FMN1: variants seen among roughly 807,000 people sequenced by gnomAD.
FMN1 encodes the protein formin 1.
FMN1 carries 110 observed loss-of-function variants against 132.4 expected under a neutral mutation model. That is an observed-to-expected ratio of 0.83 (90% CI 0.71 to 0.97). FMN1 has a LOEUF of 0.97. Ranked by LOEUF, FMN1 falls within the 50% of genes least tolerant of loss-of-function variation. The pLI is 0.00. For synonymous variants in FMN1, 722 were observed against 651.7 expected (o/e 1.11, Z -1.64); for missense variants, 1,792 against 1,705.3 (o/e 1.05, Z -0.90).
At chr15:32,853,219 A>G (rs1398441310) in intron 17 of FMN1, among the ~76,000 whole-genome samples, 2 of 152,172 alleles carry the variant, frequency 1.3e-5, no homozygotes, top group Non-Finnish European at 2.9e-5. Flanking sequence ...TCAACTCTAA[A>G]CAAAAATATC....
intron 17 of FMN1, among the ~76,000 whole-genome samples, chr15:32,823,546 G>A (rs112893536): frequency 0.017 from 2,540 of 152,126 alleles, 40 homozygotes; most frequent in Middle Eastern, 0.044. Flanking sequence ...CACAAATGCC[G>A]TTATTCCAAG....
intron 5 of FMN1, among the ~76,000 whole-genome samples, chr15:33,069,993 C>CAT (rs1400922281): frequency 4.0e-5 from 3 of 74,290 alleles, no homozygotes; most frequent in African/African-American, 1.6e-4. Flanking sequence ...CAGTCTTTCT[C>CAT]TTTTTTTTTT....
chr15:33,003,458 G>T (rs1029958519), intron 7 of FMN1, among the ~76,000 whole-genome samples: 6 of 152,154 alleles, frequency 3.9e-5, no homozygotes, highest in East Asian at 3.9e-4. Context: ...TGCTTCAAAG[G>T]GAATAAAATA....
intron 6 of FMN1, among the ~76,000 whole-genome samples, chr15:33,034,847 AG>A (rs1291036005): frequency 1.3e-5 from 2 of 152,202 alleles, no homozygotes; most frequent in Non-Finnish European, 2.9e-5. Flanking sequence ...AAGCAGCCAG[AG>A]GGAGTCTTTG....
At chr15:33,068,310 C>T (rs1250214925) in intron 5 of FMN1, 1 of 176,700 alleles carries the variant, frequency 5.7e-6, no homozygotes, top group Admixed American at 5.4e-5. Flanking sequence ...ATTCAACTTC[C>T]TCATTGGTGA....
At chr15:33,163,928 T>G (rs902894463) in intron 3 of FMN1, among the ~76,000 whole-genome samples, 1 of 152,168 alleles carries the variant, frequency 6.6e-6, no homozygotes, top group Non-Finnish European at 1.5e-5. Context: ...TGTTTTTGTT[T>G]TTTTTGAGAC....
chr15:33,058,851 A>C (rs2037354790), intron 6 of FMN1, among the ~76,000 whole-genome samples: 1 of 152,230 alleles, frequency 6.6e-6, no homozygotes, highest in Non-Finnish European at 1.5e-5. Flanking sequence ...TGATTAAATT[A>C]AGCTAATTAA....
intron 10 of FMN1, among the ~76,000 whole-genome samples, chr15:32,914,414 C>T (rs945670008): frequency 6.6e-6 from 1 of 152,064 alleles, no homozygotes; most frequent in Non-Finnish European, 1.5e-5. Flanking sequence ...AATGTTTAGG[C>T]AATGGCAGGT....
chr15:32,907,845 G>C (rs1407406977), intron 12 of FMN1, among the ~76,000 whole-genome samples: 1 of 152,060 alleles, frequency 6.6e-6, no homozygotes, highest in South Asian at 2.1e-4. Flanking sequence ...AGGGTCGTGG[G>C]GCTGCAGAGC....
intron 4 of FMN1, among the ~76,000 whole-genome samples, chr15:33,147,877 C>T (rs1403724043): frequency 1.3e-5 from 2 of 152,146 alleles, no homozygotes; most frequent in African/African-American, 4.8e-5. Flanking sequence ...AAAAAGCAAG[C>T]AGGCACAATG....
At chr15:33,096,899 G>C (rs950369642) in intron 4 of FMN1, among the ~76,000 whole-genome samples, 1 of 152,118 alleles carries the variant, frequency 6.6e-6, no homozygotes, top group East Asian at 1.9e-4. Context: ...AACTCGCCTC[G>C]CTGCCCCATT....
At chr15:32,913,537 A>G (rs2060614105) in intron 10 of FMN1, among the ~76,000 whole-genome samples, 1 of 152,066 alleles carries the variant, frequency 6.6e-6, no homozygotes, top group Middle Eastern at 3.2e-3. Flanking sequence ...ATTCCTGAAC[A>G]TGCCATGGCT....
At chr15:33,049,290 A>G (rs2036858856) in intron 6 of FMN1, among the ~76,000 whole-genome samples, 1 of 152,156 alleles carries the variant, frequency 6.6e-6, no homozygotes, top group Admixed American at 6.5e-5. Context: ...AACAGACAAA[A>G]CCAAACAAAA....
intron 6 of FMN1, among the ~76,000 whole-genome samples, chr15:33,008,328 AAG>A (rs1413799433): frequency 1.3e-5 from 2 of 152,188 alleles, no homozygotes; most frequent in Non-Finnish European, 2.9e-5. Flanking sequence ...AAGAAAAAAA[AAG>A]GGATGATGAG....
At chr15:32,864,684 A>C (rs1314026234) in intron 16 of FMN1, among the ~76,000 whole-genome samples, 2 of 152,194 alleles carry the variant, frequency 1.3e-5, no homozygotes, top group Non-Finnish European at 2.9e-5. Context: ...ATATTATCTC[A>C]GAATAATGTA....
chr15:32,960,988 TC>T (rs895566920), intron 9 of FMN1, among the ~76,000 whole-genome samples: 3 of 82,610 alleles, frequency 3.6e-5, no homozygotes, highest in Non-Finnish European at 6.3e-5. Context: ...AGAGTGAGAC[TC>T]CGTCTCAAAA....
At chr15:33,180,494 A>G (rs1368661495) in intron 2 of FMN1, among the ~76,000 whole-genome samples, 2 of 152,098 alleles carry the variant, frequency 1.3e-5, no homozygotes, top group African/African-American at 4.8e-5. Context: ...ACTGCCTAGC[A>G]TAGGGTAACC....
chr15:32,985,578 A>G (rs928912518), intron 7 of FMN1, among the ~76,000 whole-genome samples: 10 of 152,134 alleles, frequency 6.6e-5, no homozygotes, highest in Admixed American at 3.9e-4. Flanking sequence ...AGTGCCCATG[A>G]ACAGCCTGTT....
chr15:33,111,854 T>C (rs945286007), intron 4 of FMN1, among the ~76,000 whole-genome samples: 2 of 152,160 alleles, frequency 1.3e-5, no homozygotes, highest in African/African-American at 4.8e-5. Flanking sequence ...GAAAATGTTA[T>C]AAAGTTGATT....
Sources: gnomAD v4.1 joint callset for allele counts (sites outside exome capture counted in the v4.1 genomes callset) on GRCh38, gnomAD v4.1.1 for gene constraint, MANE v1.5 for transcripts, NCBI Gene and HGNC (gene_info 2026-07-23, HGNC 2026-07-21) for gene names.